PHLDB1: variants seen among roughly 807,000 people sequenced by gnomAD.
PHLDB1 encodes pleckstrin homology like domain family B member 1.
PHLDB1 carries 65 observed loss-of-function variants against 139.3 expected under a neutral mutation model. That is an observed-to-expected ratio of 0.47 (90% CI 0.38 to 0.57). PHLDB1 has a LOEUF of 0.57. Among genes scored for constraint, PHLDB1 ranks in the 20% least tolerant of loss-of-function variants. The pLI is 0.00. For synonymous variants in PHLDB1, 679 were observed against 734.5 expected (o/e 0.92, Z 1.22); for missense variants, 1,624 against 1,839.7 (o/e 0.88, Z 2.14).
rs781801132 is a variant in PHLDB1, at chr11:118,628,460, C to T, written c.1637C>T (p.Ser546Phe). The T allele has an allele frequency of 3.7e-6, 6 of 1,612,494 alleles. No homozygotes were observed. Among genetic ancestry groups the T allele is most frequent in the Non-Finnish European group, 4.2e-6 (5 of 1,179,720 alleles). The part of the protein sequence containing the change: ...GRLSPAYSLG[S>F]LTGASPCQSP... ...CTGAGCCCAGCCTACAGTCTGGGCTCTCTTACTGGGGCTTCACCCTGCCAG... is the reference window on the plus strand; with the variant it reads ...CTGAGCCCAGCCTACAGTCTGGGCTTTCTTACTGGGGCTTCACCCTGCCAG... The change falls in exon 6 of 23, where the codon TCT becomes TTT. Residue 546 changes from serine (S) to phenylalanine (F), a missense_variant. By Grantham distance (155) the Ser-to-Phe change is radical. Coordinates refer to ENST00000600882, the MANE Select transcript of PHLDB1 (RefSeq NM_001144758.3).
intron 12 of PHLDB1, chr11:118,639,857 G>A: frequency 1.0e-6 from 1 of 986,012 alleles, no homozygotes; most frequent in African/African-American, 1.8e-5. Context: ...TCCCCTCTCT[G>A]TAGGCCGAGC....
In PHLDB1 at chr11:118,627,715, C is replaced by G; in HGVS notation, c.892C>G (p.Pro298Ala). 6.2e-7 allele frequency: 1 copy of G among 1,609,976 alleles called. No individual in the cohort carries two copies. Among genetic ancestry groups the G allele is most frequent in the Non-Finnish European group, 8.5e-7 (1 of 1,179,972 alleles). Reference protein sequence around the residue: ...RSSSYHLALQPPQSRPSGARS... With the variant: ...RSSSYHLALQAPQSRPSGARS... ...CTCCAGCTACCATCTGGCCCTACAG[C>G]CCCCACAGTCCCGCCCAAGTGGTGC... The change falls in exon 6 of 23, where the codon CCC becomes GCC. Residue 298 changes from proline to alanine, a missense_variant. Physicochemically the swap from Pro to Ala is conservative, Grantham distance 27 (BLOSUM62 -1). Coordinates refer to ENST00000600882, the MANE Select transcript of PHLDB1 (RefSeq NM_001144758.3).
intron 15 of PHLDB1, chr11:118,644,698 C>A (rs754462404): frequency 4.3e-5 from 55 of 1,289,046 alleles, no homozygotes; most frequent in Non-Finnish European, 5.4e-5. Flanking sequence ...GCAGGTAGAA[C>A]GTTGGTCATA....
Position 118,628,181 on chromosome 11 carries a change from G to A in PHLDB1, c.1358G>A (p.Ser453Asn). 1 of 1,614,124 alleles carries A rather than the reference G, an allele frequency of 6.2e-7. No homozygotes were observed. The highest frequency in any genetic ancestry group is 1.3e-5 in the African/African-American group (1 of 75,062). Residue 453 changes from serine to asparagine, a missense_variant, in exon 6 of 23, where the codon AGT (serine) becomes AAT (asparagine). Coordinates refer to ENST00000600882, the MANE Select transcript of PHLDB1 (RefSeq NM_001144758.3). ...SPRLGRRGLD[S>N]MRELPPLSPS... ...CGCCTGGGCCGGCGGGGCCTGGACA[G>A]TATGCGAGAACTACCCCCCTTAAGT...
At chr11:118,614,436 C>T in intron 2 of PHLDB1, 123 bp from the exon 3 acceptor site, 1 of 1,044,850 alleles carries the variant, frequency 9.6e-7, no homozygotes, top group Admixed American at 2.5e-5. Context: ...TGTGCTAAGC[C>T]TTTCAGCACC....
At position 118,632,495 on chromosome 11, in the gene PHLDB1, C is replaced by T. The variant is rs997593830; in HGVS notation, c.2379+199C>T. Reference sequence around the variant, plus strand: ...TTGGAGGGCACTGCCAGGGGCTGGGCTGGTGTCTGGGGTCTCCTCTGTCTG... The same window carrying T: ...TTGGAGGGCACTGCCAGGGGCTGGGTTGGTGTCTGGGGTCTCCTCTGTCTG... On this transcript the variant is annotated intron_variant, in intron 9 of 22. Coordinates refer to ENST00000600882, the MANE Select transcript of PHLDB1 (RefSeq NM_001144758.3). The surrounding 1 kb of genome is among the most constrained non-coding windows in gnomAD (Gnocchi z 5.9). 3 of 635,950 alleles carry T rather than the reference C, an allele frequency of 4.7e-6. No homozygotes were observed. Among genetic ancestry groups the T allele is most frequent in the Non-Finnish European group, 8.2e-6 (3 of 366,448 alleles). 39.4% of individuals were successfully genotyped at this position (635,950 alleles called of 1,614,324 possible).
At chr11:118,641,642 T>C (rs1946530970) in intron 12 of PHLDB1, 1 of 1,287,920 alleles carries the variant, frequency 7.8e-7, no homozygotes, top group Non-Finnish European at 1.0e-6. Context: ...CTAAAGGTGA[T>C]GCGGGGCACC....
In PHLDB1 at chr11:118,620,576, C is replaced by T. The variant is rs1942579320; in HGVS notation, c.356-4358C>T. On this transcript the variant is annotated intron_variant, in intron 4 of 22. Transcript: ENST00000600882. The surrounding 1 kb of genome is among the most constrained non-coding windows in gnomAD (Gnocchi z 4.1). Reference sequence around the variant, plus strand: ...TTGCGGGCTCCAGATATCTGTTTCCCAAGTAGGATGGGTACCTTATTGGGG... The same window carrying T: ...TTGCGGGCTCCAGATATCTGTTTCCTAAGTAGGATGGGTACCTTATTGGGG... Among the ~76,000 whole-genome samples the T allele has an allele frequency of 6.6e-6, 1 of 152,200 alleles. No homozygotes were observed. Among genetic ancestry groups the T allele is most frequent in the African/African-American group, 2.4e-5 (1 of 41,444 alleles).
chr11:118,628,397 A>G lies in PHLDB1; in HGVS notation c.1574A>G (p.Glu525Gly), dbSNP rs1388160052. ...CGGAGCCCCTCACCCACACTGGGTG[A>G]GTCTCTGGCACCCCACAAGGGCAGC... ...RTRSPSPTLG[E>G]SLAPHKGSFS... The change falls in exon 6 of 23, where the codon GAG becomes GGG. Residue 525 changes from glutamate to glycine, a missense_variant. Glu to Gly is a moderately conservative substitution (Grantham distance 98, BLOSUM62 -2). Coordinates refer to ENST00000600882, the MANE Select transcript of PHLDB1 (RefSeq NM_001144758.3). The G allele has an allele frequency of 6.2e-7, 1 of 1,610,610 alleles. No individual in the cohort carries two copies. Among genetic ancestry groups the G allele is most frequent in the Admixed American group, 1.7e-5 (1 of 59,310 alleles).
At chr11:118,644,628 C>A in intron 15 of PHLDB1, 1 of 1,284,300 alleles carries the variant, frequency 7.8e-7, no homozygotes, top group Non-Finnish European at 1.0e-6. Flanking sequence ...TACCCTCTGC[C>A]TGGGGTCCCC....
At chr11:118,630,382 A>T (rs1314757088) in intron 6 of PHLDB1, among the ~76,000 whole-genome samples, 4 of 152,206 alleles carry the variant, frequency 2.6e-5, no homozygotes, top group African/African-American at 4.8e-5. Flanking sequence ...GTACTCACTC[A>T]TGGGCCTGGG....
In PHLDB1 at chr11:118,611,850, T is replaced by TAAA. The variant is rs1555084347; in HGVS notation, c.-21-1965_-21-1963dup. On this transcript the variant is annotated intron_variant, in intron 1 of 22. Coordinates refer to ENST00000600882, the MANE Select transcript of PHLDB1 (RefSeq NM_001144758.3). This position sits in a 1 kb window ranked among gnomAD's most constrained non-coding sequence, Gnocchi z 4.7. ...AAAAAAAAAATAATAATAATAATAA[T>TAAA]AAATGGCATTAAGTGCTTTGCTTTC... Among the ~76,000 whole-genome samples, 400 of 150,128 alleles carry TAAA rather than the reference T, an allele frequency of 2.7e-3. 2 individuals are homozygous for TAAA. The highest frequency in any genetic ancestry group is 4.3e-3 in the Non-Finnish European group (291 of 67,608).
At position 118,645,908 on chromosome 11, in the gene PHLDB1, C is replaced by T. The variant is rs1230219739; in HGVS notation, c.3507+83C>T. 9.2e-6 allele frequency: 8 copies of T among 868,542 alleles called. No homozygotes were observed. The highest frequency in any genetic ancestry group is 1.6e-5 in the Non-Finnish European group (8 of 505,702). 53.8% of individuals were successfully genotyped at this position (868,542 alleles called of 1,614,324 possible). A position where few individuals can be genotyped will look rare whatever the true frequency, so the allele number is the denominator to read the frequency against. On this transcript the variant is annotated intron_variant, in intron 17 of 22. Transcript: ENST00000600882. The surrounding 1 kb of genome is among the most constrained non-coding windows in gnomAD (Gnocchi z 5.1). Reference sequence around the variant, plus strand: ...CATGTCAAGGGCCTGTGCTCCACCCCAAGCCCTTCCACCCACATTAGCCTT... The same window carrying T: ...CATGTCAAGGGCCTGTGCTCCACCCTAAGCCCTTCCACCCACATTAGCCTT...
intron 5 of PHLDB1, chr11:118,627,006 C>T (rs547750579): frequency 3.0e-4 from 123 of 416,356 alleles, no homozygotes; most frequent in African/African-American, 2.2e-3. Flanking sequence ...GGAGTCTAGT[C>T]TTGGGGTGAA....
At position 118,616,049 on chromosome 11, in the gene PHLDB1, G is replaced by C; in HGVS notation, c.193G>C (p.Val65Leu). Reference protein sequence around the residue: ...TLLPLEEGRTVIGSAARDISL... With the variant: ...TLLPLEEGRTLIGSAARDISL... Reference sequence around the variant, plus strand: ...TTGCCTCTTGTCTCCAGGGAGGACGGTGATTGGCTCTGCAGCCAGAGACAT... The same window carrying C: ...TTGCCTCTTGTCTCCAGGGAGGACGCTGATTGGCTCTGCAGCCAGAGACAT... The change falls in exon 4 of 23, where the codon GTG (valine) becomes CTG (leucine). Residue 65 changes from valine to leucine, a missense_variant. Transcript: ENST00000600882. 6.2e-7 allele frequency: 1 copy of C among 1,612,984 alleles called. No individual in the cohort carries two copies. Among genetic ancestry groups the C allele is most frequent in the South Asian group, 1.1e-5 (1 of 90,970 alleles).
Position 118,616,217 on chromosome 11 carries a change from G to T in PHLDB1, c.355+6G>T, listed in dbSNP as rs782031425. 4.3e-6 allele frequency: 7 copies of T among 1,613,224 alleles called. No individual in the cohort carries two copies. The highest frequency in any genetic ancestry group is 5.9e-6 in the Non-Finnish European group (7 of 1,179,652). On this transcript the variant is annotated splice_donor_region_variant and intron_variant, in intron 4 of 22. Coordinates refer to ENST00000600882, the MANE Select transcript of PHLDB1 (RefSeq NM_001144758.3). ...GCCTACCCGGCTCACTCAGGGTAAG[G>T]CTGGACACCTCCAGATGGAGGGGGC...
In PHLDB1 at chr11:118,645,666, G is replaced by A; in HGVS notation, c.3416+16G>A. On this transcript the variant is annotated intron_variant, in intron 16 of 22. Coordinates refer to ENST00000600882, the MANE Select transcript of PHLDB1 (RefSeq NM_001144758.3). The surrounding 1 kb of genome is among the most constrained non-coding windows in gnomAD (Gnocchi z 5.1). ...ACATGTCCAGGTACACCCGACGCCT[G>A]GGCCCGCAGCCTCCCTCAGCCACCG... is the stretch of plus-strand genomic sequence containing the variant. 1.9e-6 allele frequency: 3 copies of A among 1,613,680 alleles called. No individual in the cohort carries two copies. The highest frequency in any genetic ancestry group is 2.5e-6 in the Non-Finnish European group (3 of 1,179,650).
intron 1 of PHLDB1, among the ~76,000 whole-genome samples, chr11:118,609,905 C>T (rs1248603304): frequency 6.6e-6 from 1 of 152,156 alleles, no homozygotes; most frequent in Non-Finnish European, 1.5e-5. Context: ...CAACAGCCCT[C>T]GCTCCATCCG....
At chr11:118,619,497 T>C (rs1245495087) in intron 4 of PHLDB1, among the ~76,000 whole-genome samples, 2 of 152,204 alleles carry the variant, frequency 1.3e-5, no homozygotes, top group African/African-American at 4.8e-5. Context: ...ATAACGATCT[T>C]GACTAATAAA....
Sources: allele counts gnomAD v4.1 joint callset (sites outside exome capture counted in the v4.1 genomes callset), GRCh38; gene constraint gnomAD v4.1.1; non-coding constraint Gnocchi (gnomAD v3.1); transcripts MANE v1.5; gene names NCBI Gene and HGNC (gene_info 2026-07-23, HGNC 2026-07-21).